Variants in NEDD4L observed in about 807,000 individuals in gnomAD.
The protein encoded by NEDD4L is E3 ubiquitin-protein ligase NEDD4-like.
NEDD4L carries 54 observed loss-of-function variants against 148.9 expected under a neutral mutation model. The observed-to-expected ratio is 0.36, with a 90% confidence interval of 0.29 to 0.45. The LOEUF (loss-of-function observed/expected upper bound fraction) is 0.45. Ranked by LOEUF, NEDD4L falls within the 20% of genes least tolerant of loss-of-function variation. The pLI, the probability that NEDD4L is intolerant of heterozygous loss-of-function variation, is 1.00. For missense variants in NEDD4L, 856 were observed against 1,233.8 expected, an observed-to-expected ratio of 0.69 and a Z score of 4.59; for synonymous variants, 433 against 440.7, an observed-to-expected ratio of 0.98 and a Z score of 0.22.
chr18:58,205,338 A>C (rs1053162981), intron 2 of NEDD4L, among the ~76,000 whole-genome samples: 2 of 152,156 alleles, frequency 1.3e-5, no homozygotes, highest in Non-Finnish European at 1.5e-5. Flanking sequence ...GAATAACAAG[A>C]GATTAAAGAA....
At chr18:58,164,503 G>T (rs2036602239) in intron 1 of NEDD4L, among the ~76,000 whole-genome samples, 2 of 152,186 alleles carry the variant, frequency 1.3e-5, no homozygotes, top group African/African-American at 4.8e-5. Flanking sequence ...ACATTAGCCT[G>T]TACTGTCACC....
At chr18:58,263,482 A>G (rs889405733) in intron 5 of NEDD4L, among the ~76,000 whole-genome samples, 1 of 152,164 alleles carries the variant, frequency 6.6e-6, no homozygotes, top group Non-Finnish European at 1.5e-5. Context: ...TGGGGTTGTT[A>G]TTAAGCATGT....
At chr18:58,376,995 T>C (rs1000306743) in intron 24 of NEDD4L, among the ~76,000 whole-genome samples, 4 of 152,224 alleles carry the variant, frequency 2.6e-5, no homozygotes. Context: ...ACCCTATGCA[T>C]CTTCCATGCC....
intron 21 of NEDD4L, chr18:58,367,373 T>A (rs2046250540): frequency 5.5e-6 from 1 of 180,426 alleles, no homozygotes; most frequent in Non-Finnish European, 1.2e-5. Flanking sequence ...GAATTAAACT[T>A]CCTTCATCAC....
chr18:58,307,282 C>T (rs1390747526), intron 5 of NEDD4L, among the ~76,000 whole-genome samples: 5 of 145,064 alleles, frequency 3.4e-5, no homozygotes, highest in East Asian at 1.9e-4. Flanking sequence ...ATTCAGTCTG[C>T]GAGGCAGGAA....
intron 2 of NEDD4L, among the ~76,000 whole-genome samples, chr18:58,166,888 T>C (rs924286454): frequency 9.2e-5 from 14 of 152,308 alleles, no homozygotes; most frequent in African/African-American, 3.4e-4. Context: ...AGCCCCTTTC[T>C]AGCTAGCTAG....
At chr18:58,175,841 A>C (rs185502075) in intron 2 of NEDD4L, among the ~76,000 whole-genome samples, 5 of 152,350 alleles carry the variant, frequency 3.3e-5, no homozygotes, top group East Asian at 1.9e-4. Flanking sequence ...CCTAGTCTTT[A>C]AGTATATGAA....
chr18:58,069,136 CAAAAAAAAAAAAAA>C (rs1161273608), intron 1 of NEDD4L, among the ~76,000 whole-genome samples: 1 of 73,242 alleles, frequency 1.4e-5, no homozygotes, highest in Non-Finnish European at 2.9e-5. Flanking sequence ...AATCTGTCTC[CAAAAAAAAAAAAAA>C]AAAAAAAAAT....
Position 58,256,057 on chromosome 18 carries a change from G to A in NEDD4L, c.297+4003G>A, listed in dbSNP as rs1201809015. On this transcript the variant is annotated intron_variant, in intron 5 of 30. Coordinates refer to ENST00000400345, the MANE Select transcript of NEDD4L (RefSeq NM_001144967.3). This position sits in a 1 kb window ranked among gnomAD's most constrained non-coding sequence, Gnocchi z 5.2. The stretch of plus-strand genomic sequence containing the variant: ...CTGCCACCACGAGGGCCTCGCCCCA[G>A]AGTGGCTCCCGGGAGCCCTCGCCGA... The A allele has an allele frequency of 6.5e-6, 8 of 1,229,186 alleles. No homozygotes were observed. The highest frequency in any genetic ancestry group is 1.0e-6 in the Non-Finnish European group (1 of 986,382). The allele number at this position is 1,229,186 out of a possible 1,614,324, so 76.1% of individuals were successfully genotyped here. A position where few individuals can be genotyped will look rare whatever the true frequency, so the allele number is the denominator to read the frequency against.
rs556522323 is a variant in NEDD4L at position 58,307,401 on chromosome 18, C to T, written c.298-8581C>T. On this transcript the variant is annotated intron_variant, in intron 5 of 30. Transcript: ENST00000400345. ...CCTTTAAATTGTGAGCCTAATTTTT[C>T]GTAGTCATGTGACAAGGACCCCTCT... Among the ~76,000 whole-genome samples, 12 of 152,188 alleles carry T rather than the reference C, an allele frequency of 7.9e-5. No homozygotes were observed. The South Asian group carries it at 1.9e-3, about 24-fold the overall frequency.
At chr18:58,376,523 A>C (rs965341957) in intron 24 of NEDD4L, among the ~76,000 whole-genome samples, 2 of 152,148 alleles carry the variant, frequency 1.3e-5, no homozygotes, top group African/African-American at 4.8e-5. Flanking sequence ...CTCATCTCCC[A>C]TATCCAGTCC....
chr18:58,116,223 T>G (rs893909599), intron 1 of NEDD4L, among the ~76,000 whole-genome samples: 9 of 152,226 alleles, frequency 5.9e-5, no homozygotes, highest in African/African-American at 2.2e-4. Flanking sequence ...TTACTTCCAG[T>G]CTTCTTGCCC....
intron 2 of NEDD4L, among the ~76,000 whole-genome samples, chr18:58,243,458 G>A (rs1400994634): frequency 6.6e-6 from 1 of 152,160 alleles, no homozygotes; most frequent in South Asian, 2.1e-4. Flanking sequence ...AGGAGCCTTG[G>A]TATCACTGGG....
chr18:58,252,061 G>A lies in NEDD4L; in HGVS notation c.297+7G>A. ...ATTTGACGAAAATAGACTGGTAAGT[G>A]GATGCCTGTATTTGAATTTTGCTTC... On this transcript the variant is annotated splice_region_variant and intron_variant, in intron 5 of 30. Transcript: ENST00000400345. 6.4e-7 allele frequency: 1 copy of A among 1,574,550 alleles called. No individual in the cohort carries two copies. Among genetic ancestry groups the A allele is most frequent in the African/African-American group, 1.3e-5 (1 of 74,232 alleles).
rs540804294 is a variant in NEDD4L at position 58,307,492 on chromosome 18, G to T, written c.298-8490G>T. Among the ~76,000 whole-genome samples the T allele has an allele frequency of 5.3e-5, 8 of 152,356 alleles. 1 individual carries two copies. In the South Asian group the frequency reaches 1.7e-3, roughly 32 times the overall value. The stretch of plus-strand genomic sequence containing the variant: ...GAATGCCAATGCCTACATTGAGGCT[G>T]TTTAATGGAGAGTTTATGAAAAGTT... On this transcript the variant is annotated intron_variant, in intron 5 of 30. Coordinates refer to ENST00000400345, the MANE Select transcript of NEDD4L (RefSeq NM_001144967.3).
rs73959466 is a variant in NEDD4L, at chr18:58,061,180, G to A, written c.48+16472G>A. Among the ~76,000 whole-genome samples the A allele has an allele frequency of 3.7e-4, 57 of 152,150 alleles. 1 individual carries two copies. The highest frequency in any genetic ancestry group is 3.1e-4 in the Non-Finnish European group (21 of 68,008). On this transcript the variant is annotated intron_variant, in intron 1 of 30. Coordinates refer to ENST00000400345, the MANE Select transcript of NEDD4L (RefSeq NM_001144967.3). ...GTACAGCTCCCACAACGATCATCTCGCCCCAAATGCTGCCGAGGTTGAGAA... is the reference window on the plus strand; with the variant it reads ...GTACAGCTCCCACAACGATCATCTCACCCCAAATGCTGCCGAGGTTGAGAA...
At chr18:58,285,785 G>A (rs1449235463) in intron 5 of NEDD4L, among the ~76,000 whole-genome samples, 2 of 152,180 alleles carry the variant, frequency 1.3e-5, no homozygotes, top group Non-Finnish European at 2.9e-5. Context: ...TTTTATGGAA[G>A]CAGAATATTG....
At chr18:58,054,376 A>G (rs1023884828) in intron 1 of NEDD4L, among the ~76,000 whole-genome samples, 1 of 152,174 alleles carries the variant, frequency 6.6e-6, no homozygotes, top group African/African-American at 2.4e-5. Flanking sequence ...TGTCCTCATC[A>G]TGCTGACTTC....
intron 2 of NEDD4L, among the ~76,000 whole-genome samples, chr18:58,178,123 G>A (rs910044923): frequency 2.6e-5 from 4 of 152,158 alleles, no homozygotes; most frequent in African/African-American, 7.2e-5. Flanking sequence ...AACCTCTGAT[G>A]TTATAAGCCA....
Sources: gnomAD v4.1 joint callset for allele counts (sites outside exome capture counted in the v4.1 genomes callset) on GRCh38, gnomAD v4.1.1 for gene constraint, Gnocchi (gnomAD v3.1) non-coding constraint, MANE v1.5 for transcripts, NCBI Gene and HGNC (gene_info 2026-07-23, HGNC 2026-07-21) for gene names.